The following SCN8A variants were observed in gnomAD, a reference collection of about 807,000 sequenced individuals.
The protein encoded by SCN8A is sodium voltage-gated channel alpha subunit 8, also known as sodium channel protein type 8 subunit alpha.
A neutral mutation model predicts 184.1 loss-of-function variants in SCN8A; 30 were observed. The ratio of observed to expected loss-of-function variants is 0.16; its 90% confidence interval spans 0.12 to 0.22. The LOEUF (loss-of-function observed/expected upper bound fraction) is 0.22. SCN8A is among the 10% of genes least tolerant of loss of function. The pLI is 1.00. For missense variants in SCN8A, 1,057 were observed against 2,498.9 expected, an observed-to-expected ratio of 0.42 and a Z score of 12.30; for synonymous variants, 852 against 907.0, an observed-to-expected ratio of 0.94 and a Z score of 1.09.
chr12:51,765,661 T>TTTTTTC lies in SCN8A; in HGVS notation c.2545-7_2545-6insTTCTTT. The TTTTTTC allele has an allele frequency of 6.6e-7, 1 of 1,504,194 alleles. No homozygotes were observed. Among genetic ancestry groups the TTTTTTC allele is most frequent in the Non-Finnish European group, 8.9e-7 (1 of 1,122,886 alleles). The allele number at this position is 1,504,194 out of a possible 1,614,324, so 93.2% of individuals were successfully genotyped here. ...ATTTATTTTTTTGTTTGGGTTTTTTTTTTCCTTAGCTCCGAGTCTTCAAAT... is the reference window on the plus strand; with the variant it reads ...ATTTATTTTTTTGTTTGGGTTTTTTTTTTTTCTTTCCTTAGCTCCGAGTCTTCAAAT... On this transcript the variant is annotated splice_polypyrimidine_tract_variant and intron_variant, in intron 15 of 26. Coordinates refer to ENST00000627620, the MANE Select transcript of SCN8A (RefSeq NM_001330260.2).
intron 1 of SCN8A, among the ~76,000 whole-genome samples, chr12:51,624,429 C>T (rs997424363): frequency 2.0e-5 from 3 of 152,124 alleles, no homozygotes; most frequent in Non-Finnish European, 2.9e-5. Flanking sequence ...AGTGTCTGTT[C>T]ATATCCTTCG....
At chr12:51,597,350 C>T (rs1939371215) in intron 1 of SCN8A, among the ~76,000 whole-genome samples, 1 of 152,124 alleles carries the variant, frequency 6.6e-6, no homozygotes, top group African/African-American at 2.4e-5. Context: ...TTCACAGGCT[C>T]CTTTCATATT....
chr12:51,747,577 A>G (rs1261101978), intron 13 of SCN8A, among the ~76,000 whole-genome samples: 1 of 152,234 alleles, frequency 6.6e-6, no homozygotes, highest in African/African-American at 2.4e-5. Flanking sequence ...AACTATCAAT[A>G]CAGTGCAACA....
intron 1 of SCN8A, among the ~76,000 whole-genome samples, chr12:51,601,661 A>G (rs1431166612): frequency 2.0e-5 from 3 of 152,122 alleles, no homozygotes; most frequent in Non-Finnish European, 4.4e-5. Context: ...GATTAAAATT[A>G]AAGTCTGACC....
At position 51,799,266 on chromosome 12, in the gene SCN8A, C is replaced by T. The variant is rs541794294; in HGVS notation, c.4795+4625C>T. ...CTTGTGCCTTTAGGACCTGCTCGAGCCCAATCAGGTGCATACCATTTCCAT... is the reference window on the plus strand; with the variant it reads ...CTTGTGCCTTTAGGACCTGCTCGAGTCCAATCAGGTGCATACCATTTCCAT... On this transcript the variant is annotated intron_variant, in intron 26 of 26. Transcript: ENST00000627620. 3.3e-5 allele frequency among the ~76,000 whole-genome samples: 5 copies of T among 152,300 alleles called. No individual in the cohort carries two copies. In the South Asian group the frequency reaches 1.0e-3, roughly 32 times the overall value.
At chr12:51,679,311 TAGTC>T (rs1446495486) in intron 2 of SCN8A, among the ~76,000 whole-genome samples, 1 of 152,192 alleles carries the variant, frequency 6.6e-6, no homozygotes, top group Non-Finnish European at 1.5e-5. Flanking sequence ...AGTCTGGACT[TAGTC>T]AGGAACTAAT....
In SCN8A at chr12:51,806,169, C is replaced by T. The variant is rs567155080; in HGVS notation, c.4796-113C>T. 2.4e-5 allele frequency: 24 copies of T among 1,011,542 alleles called. No homozygotes were observed. The African/African-American group carries it at 3.5e-4, about 15-fold the overall frequency. 62.7% of individuals were successfully genotyped at this position (1,011,542 alleles called of 1,614,324 possible). A position where few individuals can be genotyped will look rare whatever the true frequency, so the allele number is the denominator to read the frequency against. ...AGAGTTCAGACTGAATAGTAAGGCACTTATTCTGCAAAGCCCTTTGAACCT... is the reference window on the plus strand; with the variant it reads ...AGAGTTCAGACTGAATAGTAAGGCATTTATTCTGCAAAGCCCTTTGAACCT... On this transcript the variant is annotated intron_variant, in intron 26 of 26. Transcript: ENST00000627620. This position sits in a 1 kb window ranked among gnomAD's most constrained non-coding sequence, Gnocchi z 8.7.
chr12:51,775,459 C>T (rs1268495917), intron 20 of SCN8A, among the ~76,000 whole-genome samples: 1 of 152,186 alleles, frequency 6.6e-6, no homozygotes, highest in African/African-American at 2.4e-5. Context: ...GTCACTGTGC[C>T]CTCAGTTGCA....
At chr12:51,671,345 C>T (rs1739487418) in intron 2 of SCN8A, among the ~76,000 whole-genome samples, 1 of 152,168 alleles carries the variant, frequency 6.6e-6, no homozygotes, top group Non-Finnish European at 1.5e-5. Context: ...TTGCAATTTT[C>T]TCCAGTCCTA....
Position 51,769,309 on chromosome 12 carries a change from G to A in SCN8A, c.3346G>A (p.Glu1116Lys), listed in dbSNP as rs1555226176. The change falls in exon 17 of 27, where the codon GAG becomes AAG. Residue 1116 changes from glutamate (E) to lysine (K), a missense_variant. Physicochemically the swap from Glu to Lys is moderately conservative, Grantham distance 56 (BLOSUM62 1). Coordinates refer to ENST00000627620, the MANE Select transcript of SCN8A (RefSeq NM_001330260.2). ...CCTCAACACAGAGGATGTTAGCAGC[G>A]AGTCGGATCCTGAAGGCAGCAAAGA... ...ENLNTEDVSS[E>K]SDPEGSKDKL... is the part of the protein sequence containing the mutation. 3 of 1,597,330 alleles carry A rather than the reference G, an allele frequency of 1.9e-6. No homozygotes were observed. The highest frequency in any genetic ancestry group is 1.3e-5 in the African/African-American group (1 of 74,770).
intron 12 of SCN8A, among the ~76,000 whole-genome samples, chr12:51,723,535 T>C (rs1942102471): frequency 6.6e-6 from 1 of 152,156 alleles, no homozygotes; most frequent in African/African-American, 2.4e-5. Flanking sequence ...GTATAGCTTT[T>C]TATAAGCTAC....
chr12:51,770,532 G>A lies in SCN8A; in HGVS notation c.3494G>A (p.Cys1165Tyr), dbSNP rs1565918719. 1 of 1,601,304 alleles carries A rather than the reference G, an allele frequency of 6.2e-7. No homozygotes were observed. Among genetic ancestry groups the A allele is most frequent in the South Asian group, 1.1e-5 (1 of 88,988 alleles). ...CCGCCTCTCCCGCTGGTGCCAGGTT[G>A]TGTCCAGCGGTTCAAGTGCTGCCAG... ...LDPDACFTEG[C>Y]VQRFKCCQVN... is the part of the protein sequence containing the mutation. The change falls in exon 19 of 27, where the codon TGT (cysteine) becomes TAT (tyrosine). Residue 1165 changes from cysteine to tyrosine, a missense_variant. Transcript: ENST00000627620.
chr12:51,804,074 G>A (rs1190735086), intron 26 of SCN8A, among the ~76,000 whole-genome samples: 1 of 152,210 alleles, frequency 6.6e-6, no homozygotes, highest in Non-Finnish European at 1.5e-5. Flanking sequence ...ACTGAACGAA[G>A]AGAACATGTC....
intron 20 of SCN8A, among the ~76,000 whole-genome samples, chr12:51,776,541 C>G (rs564092988): frequency 1.3e-5 from 2 of 152,336 alleles, no homozygotes; most frequent in East Asian, 3.9e-4. Context: ...AAGCATGTTC[C>G]CAGCCCCTGG....
Position 51,781,484 on chromosome 12 carries a change from C to T in SCN8A, c.3942+713C>T, listed in dbSNP as rs73299751. ...ATGATGCTAGATGACTGAATATCAG[C>T]TAGTTCTCCTGAAATTTCTTGATAC... is the stretch of plus-strand genomic sequence containing the variant. On this transcript the variant is annotated intron_variant, in intron 21 of 26. Transcript: ENST00000627620. Among the ~76,000 whole-genome samples, 628 of 152,234 alleles carry T rather than the reference C, an allele frequency of 4.1e-3. 4 individuals carry two copies. Among genetic ancestry groups the T allele is most frequent in the African/African-American group, 0.014 (597 of 41,530 alleles).
At chr12:51,622,489 A>G (rs1285176425) in intron 1 of SCN8A, among the ~76,000 whole-genome samples, 1 of 152,096 alleles carries the variant, frequency 6.6e-6, no homozygotes, top group Non-Finnish European at 1.5e-5. Context: ...AGGTTTGAGG[A>G]TACTGATGAG....
chr12:51,629,876 G>A (rs1940161706), intron 1 of SCN8A, among the ~76,000 whole-genome samples: 1 of 152,152 alleles, frequency 6.6e-6, no homozygotes, highest in African/African-American at 2.4e-5. Flanking sequence ...AGTTGTGGCA[G>A]CCAGATCAGG....
chr12:51,728,682 C>T (rs1208118273), intron 12 of SCN8A, among the ~76,000 whole-genome samples: 1 of 149,246 alleles, frequency 6.7e-6, no homozygotes, highest in East Asian at 1.9e-4. Flanking sequence ...CTGCAGTGAG[C>T]AGTGATCACT....
chr12:51,650,234 A>G (rs1030975450), intron 1 of SCN8A, among the ~76,000 whole-genome samples: 7 of 152,126 alleles, frequency 4.6e-5, no homozygotes, highest in Non-Finnish European at 1.0e-4. Flanking sequence ...GTCTCTAGGA[A>G]GCTCCAAACT....
Sources: allele counts gnomAD v4.1 joint callset (sites outside exome capture counted in the v4.1 genomes callset), GRCh38; gene constraint gnomAD v4.1.1; non-coding constraint Gnocchi (gnomAD v3.1); transcripts MANE v1.5; gene names NCBI Gene and HGNC (gene_info 2026-07-23, HGNC 2026-07-21).